IL22RA2: variants seen among roughly 807,000 people sequenced by gnomAD.
IL22RA2 encodes the protein interleukin-22 receptor subunit alpha-2.
IL22RA2 carries 39 observed loss-of-function variants against 30.7 expected under a neutral mutation model. The observed-to-expected ratio is 1.27, with a 90% confidence interval of 0.98 to 1.66. The LOEUF (loss-of-function observed/expected upper bound fraction) is 1.66. Among genes scored for constraint, IL22RA2 ranks in the 40% most tolerant of loss-of-function variants. IL22RA2 has a pLI of 0.00. For synonymous variants in IL22RA2, 103 were observed against 105.0 expected, an observed-to-expected ratio of 0.98 and a Z score of 0.11; for missense variants, 315 against 312.7, an observed-to-expected ratio of 1.01 and a Z score of -0.05.
chr6:137,172,962 G>A lies in IL22RA2; in HGVS notation c.-66+451C>T, dbSNP rs28385757. ...CAAAATAATACAAAGGCCTGGGAAAGGGGGTTACCATCCATGAGCTGATAA... is the reference window on the plus strand; with the variant it reads ...CAAAATAATACAAAGGCCTGGGAAAAGGGGTTACCATCCATGAGCTGATAA... On this transcript the variant is annotated intron_variant, in intron 1 of 6. Coordinates refer to ENST00000296980, the MANE Select transcript of IL22RA2 (RefSeq NM_052962.3). Among the ~76,000 whole-genome samples the A allele has an allele frequency of 2.1e-3, 320 of 152,220 alleles. 2 individuals carry two copies. The highest frequency in any genetic ancestry group is 7.5e-3 in the African/African-American group (311 of 41,536).
chr6:137,166,480 A>T (rs963764973), intron 1 of IL22RA2, among the ~76,000 whole-genome samples: 18 of 152,248 alleles, frequency 1.2e-4, no homozygotes, highest in African/African-American at 4.3e-4. Flanking sequence ...AAAGGGCATC[A>T]AACAGGAGGA....
In IL22RA2 at chr6:137,168,431, G is replaced by T. The variant is rs113919913; in HGVS notation, c.-66+4982C>A. On this transcript the variant is annotated intron_variant, in intron 1 of 6. Transcript: ENST00000296980. ...ACAAAACGCAAGTATTCACTTACGCGCATAAAGGGCCCGTCTCCATATATT... is the reference window on the plus strand; with the variant it reads ...ACAAAACGCAAGTATTCACTTACGCTCATAAAGGGCCCGTCTCCATATATT... Among the ~76,000 whole-genome samples the T allele has an allele frequency of 9.1e-4, 138 of 152,216 alleles. 2 individuals are homozygous for T. In the South Asian group the frequency reaches 0.02, roughly 22 times the overall value.
intron 5 of IL22RA2, among the ~76,000 whole-genome samples, chr6:137,153,308 G>A (rs923921014): frequency 5.9e-5 from 9 of 152,110 alleles, no homozygotes; most frequent in Non-Finnish European, 1.3e-4. Context: ...GACTTTATAG[G>A]AAGGTGAAAT....
intron 1 of IL22RA2, 31 bp from the exon 2 acceptor site, chr6:137,161,845 C>T (rs11154915): frequency 0.16 from 137,941 of 879,076 alleles, 11,652 homozygotes; most frequent in Middle Eastern, 0.19. Context: ...CAATCACTCC[C>T]GGGTTTAAGG....
chr6:137,173,100 G>A (rs529987418), intron 1 of IL22RA2, among the ~76,000 whole-genome samples: 27 of 152,308 alleles, frequency 1.8e-4, no homozygotes, highest in Admixed American at 5.9e-4. Flanking sequence ...GGCCAGACAC[G>A]GTGGCTCACA....
At chr6:137,163,238 T>C (rs1242952049) in intron 1 of IL22RA2, among the ~76,000 whole-genome samples, 1 of 152,246 alleles carries the variant, frequency 6.6e-6, no homozygotes, top group East Asian at 1.9e-4. Context: ...CACCTTAAGA[T>C]GTTTAAACGT....
At chr6:137,156,150 T>C (rs2114369029) in intron 4 of IL22RA2, among the ~76,000 whole-genome samples, 1 of 152,224 alleles carries the variant, frequency 6.6e-6, no homozygotes, top group East Asian at 1.9e-4. Flanking sequence ...GGCAGAGTGG[T>C]TGACTCAGCC....
intron 1 of IL22RA2, among the ~76,000 whole-genome samples, chr6:137,168,298 T>A (rs776427836): frequency 3.9e-5 from 6 of 152,216 alleles, no homozygotes; most frequent in Non-Finnish European, 8.8e-5. Context: ...AAATATGTTA[T>A]GACCCAGAGT....
At position 137,156,767 on chromosome 6, in the gene IL22RA2, T is replaced by C. The variant is rs144243142; in HGVS notation, c.285A>G (p.Thr95=). The change falls in exon 4 of 7, where the codon ACA becomes ACG. Residue 95 remains threonine, a synonymous_variant. Coordinates refer to ENST00000296980, the MANE Select transcript of IL22RA2 (RefSeq NM_052962.3). Reference sequence around the variant, plus strand: ...AAGGAAAAGAGGTGTACTTAGCCAATGTTCTGCAGCCTGGGAAGTTACAAG... The same window carrying C: ...AAGGAAAAGAGGTGTACTTAGCCAACGTTCTGCAGCCTGGGAAGTTACAAG... The part of the protein sequence containing the change: ...HISCNFPGCR[T]LAKYGQRQWK... 1.0e-4 allele frequency: 165 copies of C among 1,613,676 alleles called. No individual in the cohort carries two copies. The highest frequency in any genetic ancestry group is 1.3e-4 in the Non-Finnish European group (159 of 1,179,680).
chr6:137,163,246 C>T (rs28741415), intron 1 of IL22RA2, among the ~76,000 whole-genome samples: 152 of 152,324 alleles, frequency 1.0e-3, no homozygotes, highest in African/African-American at 3.0e-3. Flanking sequence ...GATGTTTAAA[C>T]GTAGGAAAAG....
intron 5 of IL22RA2, among the ~76,000 whole-genome samples, chr6:137,150,912 T>C (rs560772592): frequency 6.6e-6 from 1 of 152,290 alleles, no homozygotes; most frequent in Admixed American, 6.5e-5. Context: ...GCATCTAGCA[T>C]TTTGGACAGT....
rs1353907888 is a variant in IL22RA2, at chr6:137,144,937, C to A, written c.*687G>T. ...CTTAATATATCTTTTAAATGAGGGA[C>A]AATTGTACAGAGCAGACTTCCTTGT... On this transcript the variant is annotated 3_prime_UTR_variant, in exon 7 of 7. Coordinates refer to ENST00000296980, the MANE Select transcript of IL22RA2 (RefSeq NM_052962.3). The A allele has an allele frequency of 6.6e-6, 1 of 152,022 alleles. No individual in the cohort carries two copies. Among genetic ancestry groups the A allele is most frequent in the Non-Finnish European group, 1.5e-5 (1 of 67,994 alleles). The allele number at this position is 152,022 out of a possible 1,614,324, so 9.4% of individuals were successfully genotyped here. A position where few individuals can be genotyped will look rare whatever the true frequency, so the allele number is the denominator to read the frequency against.
rs776728358 is a variant in IL22RA2, at chr6:137,145,632, T to A, written c.784A>T (p.Ile262Phe). The stretch of plus-strand genomic sequence containing the variant: ...ATGCCAAATTCCACAAGTCATGGAA[T>A]TTCCACACATCTCTCTTCACTTCTC... Reference protein sequence around the residue: ...SQRSEERCVEIP With the variant: ...SQRSEERCVEFP Residue 262 changes from isoleucine to phenylalanine, a missense_variant, in exon 7 of 7, where the codon ATT becomes TTT. Ile to Phe is a conservative substitution (Grantham distance 21). Transcript: ENST00000296980. 6.2e-7 allele frequency: 1 copy of A among 1,605,720 alleles called. No individual in the cohort carries two copies. The highest frequency in any genetic ancestry group is 1.7e-5 in the Admixed American group (1 of 58,836).
At chr6:137,158,201 G>A (rs1778448589) in intron 3 of IL22RA2, 146 bp downstream of exon 3, 6 of 891,236 alleles carry the variant, frequency 6.7e-6, no homozygotes, top group East Asian at 2.5e-5. Context: ...GCCTTCAGGG[G>A]AGACAAGTCA....
chr6:137,155,550 CT>C (rs1305931250), intron 4 of IL22RA2, among the ~76,000 whole-genome samples: 1 of 151,256 alleles, frequency 6.6e-6, no homozygotes, highest in African/African-American at 2.4e-5. Flanking sequence ...AACAGACCAA[CT>C]TTTTTGATAA....
At chr6:137,155,217 G>T in intron 4 of IL22RA2, 98 bp from the exon 5 acceptor site, 1 of 835,024 alleles carries the variant, frequency 1.2e-6, no homozygotes, top group Non-Finnish European at 1.9e-6. Flanking sequence ...GATTCTAGTA[G>T]CAATACCACC....
rs1213979406 is a variant in IL22RA2 at position 137,144,006 on chromosome 6, A to G, written c.*1618T>C. On this transcript the variant is annotated 3_prime_UTR_variant, in exon 7 of 7. Transcript: ENST00000296980. ...AATAACTTTCATGAAACAACCATAAATGAATTTTGTTTTATTAAGTCAGGC... is the reference window on the plus strand; with the variant it reads ...AATAACTTTCATGAAACAACCATAAGTGAATTTTGTTTTATTAAGTCAGGC... 1 of 152,196 alleles carries G rather than the reference A, an allele frequency of 6.6e-6. No individual in the cohort carries two copies. Among genetic ancestry groups the G allele is most frequent in the African/African-American group, 2.4e-5 (1 of 41,430 alleles). 9.4% of individuals were successfully genotyped at this position (152,196 alleles called of 1,614,324 possible).
At chr6:137,149,107 T>G (rs1299978756) in intron 5 of IL22RA2, among the ~76,000 whole-genome samples, 1 of 152,142 alleles carries the variant, frequency 6.6e-6, no homozygotes, top group Non-Finnish European at 1.5e-5. Context: ...GGCTATTCCT[T>G]CTCAGTCTCC....
intron 5 of IL22RA2, among the ~76,000 whole-genome samples, chr6:137,152,384 T>C (rs1562269088): frequency 6.6e-6 from 1 of 152,122 alleles, no homozygotes; most frequent in African/African-American, 2.4e-5. Flanking sequence ...TATTATTTGG[T>C]CACAAAAAAG....
Sources: gnomAD v4.1 joint callset for allele counts (sites outside exome capture counted in the v4.1 genomes callset) on GRCh38, gnomAD v4.1.1 for gene constraint, MANE v1.5 for transcripts, NCBI Gene and HGNC (gene_info 2026-07-23, HGNC 2026-07-21) for gene names.